The following DDX60 variants were observed in gnomAD, a reference collection of about 807,000 sequenced individuals.
DDX60 encodes the protein probable ATP-dependent RNA helicase DDX60.
DDX60 carries 165 observed loss-of-function variants against 212.8 expected under a neutral mutation model. The ratio of observed to expected loss-of-function variants is 0.78; its 90% CI spans 0.68 to 0.88. The LOEUF (loss-of-function observed/expected upper bound fraction) is 0.88, where lower values mean the gene tolerates loss of function less well. Ranked by LOEUF, DDX60 falls within the 40% of genes least tolerant of loss-of-function variation. DDX60 has a pLI of 0.00. For missense variants in DDX60, 1,905 were observed against 2,003.9 expected, an observed-to-expected ratio of 0.95 and a Z score of 0.94; for synonymous variants, 703 against 685.3, an observed-to-expected ratio of 1.03 and a Z score of -0.40.
intron 28 of DDX60, among the ~76,000 whole-genome samples, chr4:168,249,968 T>C (rs1487244217): frequency 6.6e-6 from 1 of 152,184 alleles, no homozygotes; most frequent in Non-Finnish European, 1.5e-5. Context: ...CATACAAAAT[T>C]CAATGTGAAT....
chr4:168,292,760 T>C (rs1267640307), intron 7 of DDX60, among the ~76,000 whole-genome samples: 1 of 152,194 alleles, frequency 6.6e-6, no homozygotes, highest in African/African-American at 2.4e-5. Context: ...TGCAGGGCTA[T>C]CAACAAAGCA....
At chr4:168,312,403 C>T (rs76480746) in intron 1 of DDX60, among the ~76,000 whole-genome samples, 6,945 of 152,102 alleles carry the variant, frequency 0.046, 358 homozygotes, top group Admixed American at 0.099. Context: ...TGAGTATTAA[C>T]GGTAAATGAG....
chr4:168,293,788 T>C lies in DDX60; in HGVS notation c.881A>G (p.Gln294Arg). ...PSSGQETEIQ[Q>R]VNSNCLTLQE... ...TCAGTAAAGTTATAAAAACCACACC[T>C]GTTGGATCTCAGTTTCCTGACCAGA... The change falls in exon 7 of 38, where the codon CAG becomes CGG. Residue 294 changes from glutamine (Q) to arginine (R), a missense_variant and splice_region_variant. Gln to Arg is a conservative substitution (Grantham distance 43, BLOSUM62 1). Transcript: ENST00000393743. 1.9e-6 allele frequency: 3 copies of C among 1,603,798 alleles called. No individual in the cohort carries two copies. Among genetic ancestry groups the C allele is most frequent in the Non-Finnish European group, 2.5e-6 (3 of 1,176,750 alleles).
intron 1 of DDX60, among the ~76,000 whole-genome samples, chr4:168,312,906 T>C (rs750717611): frequency 1.3e-5 from 2 of 152,102 alleles, no homozygotes; most frequent in Non-Finnish European, 2.9e-5. Flanking sequence ...GCTGGGGAGT[T>C]TAGGGACCCT....
chr4:168,226,290 A>G (rs1256941503), intron 33 of DDX60, among the ~76,000 whole-genome samples: 1 of 152,076 alleles, frequency 6.6e-6, no homozygotes, highest in Non-Finnish European at 1.5e-5. Flanking sequence ...CTCAAAATTT[A>G]TATGTTAAAA....
At chr4:168,276,492 C>T (rs977573267) in intron 14 of DDX60, among the ~76,000 whole-genome samples, 33 of 152,178 alleles carry the variant, frequency 2.2e-4, no homozygotes, top group African/African-American at 8.0e-4. Flanking sequence ...CTTTTATTTT[C>T]ATATGTGCTC....
intron 3 of DDX60, 53 bp from the exon 4 acceptor site, chr4:168,308,248 C>T: frequency 9.2e-7 from 1 of 1,088,204 alleles, no homozygotes. Context: ...AATCATGTTC[C>T]AAAAAGGCAT....
chr4:168,275,369 C>A lies in DDX60; in HGVS notation c.2280G>T (p.Gln760His). 2.5e-6 allele frequency: 4 copies of A among 1,610,060 alleles called. No individual in the cohort carries two copies. Among genetic ancestry groups the A allele is most frequent in the Non-Finnish European group, 3.4e-6 (4 of 1,178,262 alleles). The change falls in exon 16 of 38, where the codon CAG (glutamine) becomes CAT (histidine). Residue 760 changes from glutamine (Q) to histidine (H), a missense_variant. Gln to His is a conservative substitution (Grantham distance 24). Coordinates refer to ENST00000393743, the MANE Select transcript of DDX60 (RefSeq NM_017631.6). ...DERKDPDPRV[Q>H]DFIPDTWQRE... ...CCTGCCATGTGTCGGGAATAAAATC[C>A]TGGACCCTGGGATCTGGGTCTTTTC...
At position 168,288,305 on chromosome 4, in the gene DDX60, C is replaced by T; in HGVS notation, c.1052G>A (p.Cys351Tyr). 1 of 1,466,430 alleles carries T rather than the reference C, an allele frequency of 6.8e-7. No individual in the cohort carries two copies. 90.8% of individuals were successfully genotyped at this position (1,466,430 alleles called of 1,614,324 possible). The change falls in exon 9 of 38, where the codon TGT (cysteine) becomes TAT (tyrosine). Residue 351 changes from cysteine to tyrosine, a missense_variant. Physicochemically the swap from Cys to Tyr is radical, Grantham distance 194. Transcript: ENST00000393743. ...TATATTTCTTAAGATGAAATATTCACACCACTTTTTCTGAAAATTGAAAAG... is the reference window on the plus strand; with the variant it reads ...TATATTTCTTAAGATGAAATATTCATACCACTTTTTCTGAAAATTGAAAAG... ...MKPLLQMKKW[C>Y]EYFILRNIHT... is the part of the protein sequence containing the mutation.
intron 35 of DDX60, among the ~76,000 whole-genome samples, chr4:168,222,173 C>T (rs1158909111): frequency 6.6e-6 from 1 of 152,098 alleles, no homozygotes; most frequent in Non-Finnish European, 1.5e-5. Context: ...AAACCTAACA[C>T]CATTTCATTC....
intron 6 of DDX60, among the ~76,000 whole-genome samples, chr4:168,297,950 T>C (rs897476926): frequency 2.0e-5 from 3 of 151,122 alleles, no homozygotes; most frequent in Non-Finnish European, 4.4e-5. Context: ...ATAAAATTAA[T>C]ATTTTTAAAA....
At chr4:168,217,547 G>A (rs1732892208) in intron 37 of DDX60, among the ~76,000 whole-genome samples, 2 of 152,188 alleles carry the variant, frequency 1.3e-5, no homozygotes, top group Admixed American at 1.3e-4. Context: ...AGAAACCGAT[G>A]AATAGGTCAG....
At chr4:168,267,223 A>G (rs965067673) in intron 22 of DDX60, among the ~76,000 whole-genome samples, 2 of 152,192 alleles carry the variant, frequency 1.3e-5, no homozygotes. Context: ...TTGTCTACAT[A>G]TAATTGTATG....
At chr4:168,324,215 T>C in the DDX60 span, among the ~76,000 whole-genome samples, 2 of 152,116 alleles carry the variant, frequency 1.3e-5, no homozygotes, top group African/African-American at 4.8e-5. Context: ...GGCAACTGGA[T>C]AGAAAAGGTC....
chr4:168,228,813 A>G (rs1042893145), intron 33 of DDX60, among the ~76,000 whole-genome samples: 4 of 152,054 alleles, frequency 2.6e-5, no homozygotes, highest in African/African-American at 9.7e-5. Context: ...CCTAAAGTAT[A>G]TATTTATTTT....
At chr4:168,247,914 G>A (rs528215045) in intron 29 of DDX60, among the ~76,000 whole-genome samples, 1 of 152,250 alleles carries the variant, frequency 6.6e-6, no homozygotes, top group African/African-American at 2.4e-5. Context: ...CAAATGCCGT[G>A]GGAGAGTAAT....
intron 1 of DDX60, among the ~76,000 whole-genome samples, chr4:168,312,003 A>G (rs1030572415): frequency 6.6e-6 from 1 of 152,180 alleles, no homozygotes; most frequent in Admixed American, 6.5e-5. Flanking sequence ...TGTGCAGGAG[A>G]GTAATGATGA....
intron 16 of DDX60, 111 bp from the exon 17 acceptor site, chr4:168,274,194 A>C (rs188875320): frequency 5.3e-6 from 7 of 1,311,688 alleles, no homozygotes; most frequent in Middle Eastern, 2.2e-4. Context: ...AAGGATCTGT[A>C]GGTACATCTG....
intron 37 of DDX60, among the ~76,000 whole-genome samples, chr4:168,217,772 A>G (rs1732901466): frequency 6.6e-6 from 1 of 152,152 alleles, no homozygotes. Flanking sequence ...AGGGAGCCAC[A>G]AGCCAAGGAA....
Sources: allele counts gnomAD v4.1 joint callset (sites outside exome capture counted in the v4.1 genomes callset), GRCh38; gene constraint gnomAD v4.1.1; transcripts MANE v1.5; gene names NCBI Gene and HGNC (gene_info 2026-07-23, HGNC 2026-07-21).